STARD13: variants seen among roughly 807,000 people sequenced by gnomAD.
STARD13 encodes the protein StAR related lipid transfer domain containing 13.
STARD13 carries 62 observed loss-of-function variants against 106.4 expected under a neutral mutation model. The ratio of observed to expected loss-of-function variants is 0.58; its 90% confidence interval spans 0.48 to 0.72. The LOEUF is 0.72. STARD13 is among the 30% of genes least tolerant of loss of function. STARD13 has a pLI of 0.00. For synonymous variants in STARD13, 565 were observed against 553.0 expected (o/e 1.02, Z -0.31); for missense variants, 1,387 against 1,424.0 (o/e 0.97, Z 0.42).
At chr13:33,269,030 G>A (rs1019740330) in intron 1 of STARD13, among the ~76,000 whole-genome samples, 1 of 152,134 alleles carries the variant, frequency 6.6e-6, no homozygotes, top group Admixed American at 6.5e-5. Context: ...TCCATGAGCT[G>A]GGTACTCCTC....
At chr13:33,523,071 C>T in the STARD13 span, among the ~76,000 whole-genome samples, 1 of 152,004 alleles carries the variant, frequency 6.6e-6, no homozygotes. Context: ...TGCTTTTTTC[C>T]ACCTTGTTCT....
Position 33,104,711 on chromosome 13 carries a change from A to G in STARD13, c.*882T>C, listed in dbSNP as rs2138042416. 1 of 153,638 alleles carries G rather than the reference A, an allele frequency of 6.5e-6. No individual in the cohort carries two copies. The allele number at this position is 153,638 out of a possible 1,614,324, so 9.5% of individuals were successfully genotyped here. ...GGGCTCCCTTTGGCTGTGAAGAAGT[A>G]AAGGCTATGATATTCATCTTGACTT... On this transcript the variant is annotated 3_prime_UTR_variant, in exon 14 of 14. Coordinates refer to ENST00000336934, the MANE Select transcript of STARD13 (RefSeq NM_178006.4).
intron 3 of STARD13, among the ~76,000 whole-genome samples, chr13:33,153,077 A>C (rs1318289624): frequency 1.3e-5 from 2 of 152,238 alleles, no homozygotes; most frequent in African/African-American, 4.8e-5. Flanking sequence ...GAGAAAGTGA[A>C]GAATTTATCA....
chr13:33,642,708 A>C, the STARD13 span, among the ~76,000 whole-genome samples: 1 of 152,258 alleles, frequency 6.6e-6, no homozygotes, highest in East Asian at 1.9e-4. Flanking sequence ...GGTGGGATTT[A>C]GTAACATCTG....
the STARD13 span, among the ~76,000 whole-genome samples, chr13:33,555,546 C>G: frequency 1.3e-5 from 2 of 152,298 alleles, no homozygotes; most frequent in South Asian, 2.1e-4. Flanking sequence ...TAATGCTATT[C>G]TCTAAGCTGC....
rs370405321 is a variant in STARD13 at position 33,106,768 on chromosome 13, T to C, written c.3214A>G (p.Ile1072Val). The change falls in exon 13 of 14, where the codon ATA becomes GTA. Residue 1072 changes from isoleucine to valine, a missense_variant. Ile to Val is a conservative substitution (Grantham distance 29, BLOSUM62 3). Transcript: ENST00000336934. ...GGAGTCAGCACTTACTTCAGGTCTA[T>C]CCTGCAGATGTGAGTCAGTCTTGAC... ...GKSRLTHICRIDLKGHSPEWY... is the reference protein window; with the variant it reads ...GKSRLTHICRVDLKGHSPEWY... 7.4e-6 allele frequency: 12 copies of C among 1,612,458 alleles called. No homozygotes were observed. The African/African-American group carries it at 1.2e-4, about 16-fold the overall frequency.
downstream of STARD13, among the ~76,000 whole-genome samples, chr13:33,343,999 A>G (rs1279045671): frequency 6.6e-6 from 1 of 151,924 alleles, no homozygotes; most frequent in Non-Finnish European, 1.5e-5. Flanking sequence ...ATTAAGCAAA[A>G]CTTTTCTTAG....
At chr13:33,202,499 G>A (rs935848616) in intron 1 of STARD13, among the ~76,000 whole-genome samples, 1 of 152,190 alleles carries the variant, frequency 6.6e-6, no homozygotes, top group Admixed American at 6.5e-5. Flanking sequence ...AAACTACAGC[G>A]AGCACCAGGG....
chr13:33,579,991 A>G, the STARD13 span, among the ~76,000 whole-genome samples: 24 of 152,134 alleles, frequency 1.6e-4, no homozygotes, highest in African/African-American at 5.5e-4. Context: ...CTGCTTGGGA[A>G]TGCAGTCTGA....
the STARD13 span, among the ~76,000 whole-genome samples, chr13:33,575,545 G>A: frequency 6.6e-6 from 1 of 152,168 alleles, no homozygotes; most frequent in Non-Finnish European, 1.5e-5. Flanking sequence ...TGTTTAGGTT[G>A]TATGGTCAGA....
chr13:33,138,679 C>A (rs371419364), intron 4 of STARD13: 17 of 307,934 alleles, frequency 5.5e-5, no homozygotes, highest in African/African-American at 2.2e-4. Context: ...GCTGGGAATG[C>A]CGCGGGAGTG....
chr13:33,466,277 T>C, the STARD13 span, among the ~76,000 whole-genome samples: 46,323 of 152,126 alleles, frequency 0.3, 7,747 homozygotes, highest in Non-Finnish European at 0.39. Flanking sequence ...ATACAATATG[T>C]TATGACGGGA....
chr13:33,449,081 CA>C, the STARD13 span, among the ~76,000 whole-genome samples: 1,111 of 140,924 alleles, frequency 7.9e-3, 7 homozygotes, highest in African/African-American at 0.02. Flanking sequence ...AATGCTGTGC[CA>C]AAAAAAAAAA....
chr13:33,313,729 A>G (rs1199405942), intron 1 of STARD13, among the ~76,000 whole-genome samples: 3 of 152,172 alleles, frequency 2.0e-5, no homozygotes, highest in Non-Finnish European at 4.4e-5. Context: ...TCATAATGAT[A>G]ATAAATAGCA....
the STARD13 span, among the ~76,000 whole-genome samples, chr13:33,435,258 G>A: frequency 1.3e-5 from 2 of 152,208 alleles, no homozygotes; most frequent in African/African-American, 4.8e-5. Flanking sequence ...TCCACTGCGA[G>A]AGGTAGGAAT....
the STARD13 span, among the ~76,000 whole-genome samples, chr13:33,529,257 G>C: frequency 4.1e-4 from 63 of 152,274 alleles, no homozygotes; most frequent in African/African-American, 1.5e-3. Flanking sequence ...ATCTGTTGAA[G>C]ATGCATAGAA....
chr13:33,601,717 C>T, the STARD13 span, among the ~76,000 whole-genome samples: 2 of 152,126 alleles, frequency 1.3e-5, no homozygotes, highest in African/African-American at 2.4e-5. Flanking sequence ...TCTATTACCC[C>T]ACACTTCCTG....
intron 1 of STARD13, among the ~76,000 whole-genome samples, chr13:33,183,114 C>T (rs1345596950): frequency 3.9e-5 from 6 of 152,218 alleles, no homozygotes; most frequent in African/African-American, 1.2e-4. Flanking sequence ...CAGGTTAGCT[C>T]GGCTCTTCTC....
At chr13:33,376,352 A>C in the STARD13 span, among the ~76,000 whole-genome samples, 1 of 152,212 alleles carries the variant, frequency 6.6e-6, no homozygotes, top group Non-Finnish European at 1.5e-5. Flanking sequence ...GTCCTCCTGT[A>C]GTTTATGACT....
Sources: gnomAD v4.1 joint callset for allele counts (sites outside exome capture counted in the v4.1 genomes callset) on GRCh38, gnomAD v4.1.1 for gene constraint, MANE v1.5 for transcripts, NCBI Gene and HGNC (gene_info 2026-07-23, HGNC 2026-07-21) for gene names.